The following LRRC37A variants were observed in gnomAD, a reference collection of about 807,000 sequenced individuals.
LRRC37A encodes the protein leucine-rich repeat-containing protein 37A.
A neutral mutation model predicts 35.4 loss-of-function variants in LRRC37A; 3 were observed. That is an observed-to-expected ratio of 0.08 (90% CI 0.04 to 0.22). LRRC37A has a LOEUF of 0.22. Ranked by LOEUF, LRRC37A falls within the 10% of genes least tolerant of loss-of-function variation. The pLI is 1.00. For missense variants in LRRC37A, 67 were observed against 565.3 expected (o/e 0.12, Z 8.94); for synonymous variants, 23 against 215.0 (o/e 0.11, Z 7.81).
At chr17:46,279,044 T>C in the LRRC37A span, among the ~76,000 whole-genome samples, 17,230 of 150,062 alleles carry the variant, frequency 0.11, no homozygotes, top group Non-Finnish European at 0.17. Context: ...GTGATCCACA[T>C]GCCTTGGCCT....
upstream of LRRC37A, among the ~76,000 whole-genome samples, chr17:46,288,706 C>CTTTTTTTTTTTTTTTTTTTTTTTTTT (rs199591277): frequency 7.2e-6 from 1 of 139,060 alleles, no homozygotes. Context: ...CTTGTTTTTT[C>CTTTTTTTTTTTTTTTTTTTTTTTTTT]TTTTTTTTTT....
chr17:46,260,524 G>C, the LRRC37A span: 12 of 1,605,814 alleles, frequency 7.5e-6, no homozygotes, highest in East Asian at 2.5e-4. Flanking sequence ...CCTGCACCAG[G>C]CGATGCCTGT....
the LRRC37A span, among the ~76,000 whole-genome samples, chr17:46,279,881 T>C: frequency 1.3e-5 from 2 of 152,198 alleles, no homozygotes; most frequent in African/African-American, 2.4e-5. Flanking sequence ...GGCTTAATCA[T>C]AGCCTTATGT....
At chr17:46,275,388 A>G in the LRRC37A span, 1 of 1,001,982 alleles carries the variant, frequency 1.0e-6, no homozygotes, top group Non-Finnish European at 1.5e-6. Context: ...AACTTTAGGA[A>G]GCTGTAGACT....
At chr17:46,275,598 T>C in the LRRC37A span, among the ~76,000 whole-genome samples, 2 of 152,266 alleles carry the variant, frequency 1.3e-5, no homozygotes, top group African/African-American at 2.4e-5. Flanking sequence ...AACTTTTCAC[T>C]GTACACTAAG....
At chr17:46,265,285 CT>C in the LRRC37A span, among the ~76,000 whole-genome samples, 1 of 108,158 alleles carries the variant, frequency 9.2e-6, no homozygotes. Context: ...TCTTCTTCTT[CT>C]TCTTCTTCTT....
chr17:46,284,965 G>C, the LRRC37A span, among the ~76,000 whole-genome samples: 3 of 152,314 alleles, frequency 2.0e-5, no homozygotes, highest in African/African-American at 7.2e-5. Flanking sequence ...CTGTGCTCAA[G>C]TGATCCTCTC....
At chr17:46,281,121 T>C in the LRRC37A span, among the ~76,000 whole-genome samples, 4 of 152,230 alleles carry the variant, frequency 2.6e-5, no homozygotes, top group African/African-American at 4.8e-5. Flanking sequence ...ATCTAAAAGT[T>C]TCTTTTATTC....
chr17:46,292,327 C>T (rs1442843558), upstream of LRRC37A, among the ~76,000 whole-genome samples: 1 of 71,868 alleles, frequency 1.4e-5, no homozygotes, highest in African/African-American at 3.5e-5. Flanking sequence ...GCAAGACACT[C>T]TCTCGAGGAA....
chr17:46,261,046 T>C, the LRRC37A span, among the ~76,000 whole-genome samples: 2 of 152,016 alleles, frequency 1.3e-5, no homozygotes, highest in Non-Finnish European at 2.9e-5. Context: ...CAGTGGACTT[T>C]GGGGAATCAG....
the LRRC37A span, among the ~76,000 whole-genome samples, chr17:46,282,032 A>AT: frequency 6.6e-6 from 1 of 151,754 alleles, no homozygotes; most frequent in South Asian, 2.1e-4. Flanking sequence ...ATATTCATTT[A>AT]TTTTTTAATT....
At chr17:46,275,541 A>C in the LRRC37A span, 1 of 544,876 alleles carries the variant, frequency 1.8e-6, no homozygotes, top group Non-Finnish European at 3.4e-6. Flanking sequence ...ACCCTTGGCA[A>C]GCGAATAGAA....
the LRRC37A span, among the ~76,000 whole-genome samples, chr17:46,270,231 G>A: frequency 6.6e-6 from 1 of 152,194 alleles, no homozygotes; most frequent in Non-Finnish European, 1.5e-5. Flanking sequence ...GCTGTCCATG[G>A]CACCCAGTAG....
the LRRC37A span, among the ~76,000 whole-genome samples, chr17:46,256,122 C>T: frequency 3.3e-5 from 5 of 152,110 alleles, no homozygotes; most frequent in Non-Finnish European, 7.3e-5. Flanking sequence ...TAGTGGCTCA[C>T]CCCTGAAATC....
At chr17:46,271,368 G>A in the LRRC37A span, among the ~76,000 whole-genome samples, 3 of 140,204 alleles carry the variant, frequency 2.1e-5, no homozygotes, top group African/African-American at 5.4e-5. Context: ...TTTTAGTAGA[G>A]ATGGGGTTTC....
At chr17:46,265,331 TCTC>T in the LRRC37A span, among the ~76,000 whole-genome samples, 24 of 119,184 alleles carry the variant, frequency 2.0e-4, no homozygotes, top group East Asian at 2.1e-3. Flanking sequence ...CTTCTTTTTT[TCTC>T]CTCTTCTTCT....
the LRRC37A span, among the ~76,000 whole-genome samples, chr17:46,256,304 G>C: frequency 1.3e-5 from 2 of 152,112 alleles, no homozygotes; most frequent in Non-Finnish European, 2.9e-5. Flanking sequence ...AGAATCGCTT[G>C]AACCCAGGAG....
the LRRC37A span, among the ~76,000 whole-genome samples, chr17:46,282,774 C>A: frequency 2.0e-5 from 3 of 152,318 alleles, no homozygotes; most frequent in African/African-American, 7.2e-5. Context: ...TAGAAACCAT[C>A]TTCCTTGCTA....
Position 46,322,355 on chromosome 17 carries a change from A to AGATCC in LRRC37A, c.2942_2946dup (p.Tyr983IlefsTer10), listed in dbSNP as rs2051435949. On this transcript the variant is annotated frameshift_variant, in exon 6 of 14. Coordinates refer to ENST00000320254, the Ensembl canonical transcript of LRRC37A. LOFTEE classifies it high-confidence loss of function. ...ATCACAATCCTCTGACAACTGTTGA[A>AGATCC]GATCCGTATCTCTTTAAATTGCCAG... 1.2e-6 allele frequency: 1 copy of AGATCC among 866,940 alleles called. No homozygotes were observed. The highest frequency in any genetic ancestry group is 1.8e-5 in the African/African-American group (1 of 55,452). The allele number at this position is 866,940 out of a possible 1,614,324, so 53.7% of individuals were successfully genotyped here. A position where few individuals can be genotyped will look rare whatever the true frequency, so the allele number is the denominator to read the frequency against.
Sources: gnomAD v4.1 joint callset for allele counts (sites outside exome capture counted in the v4.1 genomes callset) on GRCh38, gnomAD v4.1.1 for gene constraint, MANE v1.5 for transcripts, NCBI Gene and HGNC (gene_info 2026-07-23, HGNC 2026-07-21) for gene names.